The following ZBTB40 variants were observed in gnomAD, a reference collection of about 807,000 sequenced individuals.
ZBTB40 encodes zinc finger and BTB domain-containing protein 40.
Under a neutral mutation model 117.5 loss-of-function variants are expected in ZBTB40, and 60 were observed. The observed-to-expected ratio is 0.51, with a 90% CI of 0.41 to 0.63. The LOEUF (loss-of-function observed/expected upper bound fraction) is 0.63. Ranked by LOEUF, ZBTB40 falls within the 30% of genes least tolerant of loss-of-function variation. The pLI is 0.00. For missense variants in ZBTB40, 1,287 were observed against 1,498.5 expected (o/e 0.86, Z 2.33); for synonymous variants, 525 against 577.1 (o/e 0.91, Z 1.29).
At chr1:22,507,655 G>A (rs568524008) in intron 6 of ZBTB40, among the ~76,000 whole-genome samples, 3 of 152,220 alleles carry the variant, frequency 2.0e-5, no homozygotes, top group East Asian at 1.9e-4. Flanking sequence ...ATCGCCACAC[G>A]GATCCTCTAC....
At chr1:22,466,590 G>A (rs1641261210) in intron 1 of ZBTB40, among the ~76,000 whole-genome samples, 1 of 151,974 alleles carries the variant, frequency 6.6e-6, no homozygotes, top group South Asian at 2.1e-4. Context: ...CCATCCTAGT[G>A]TTATGTGAAG....
At chr1:22,472,313 A>G (rs1641431350) in intron 1 of ZBTB40, among the ~76,000 whole-genome samples, 1 of 151,850 alleles carries the variant, frequency 6.6e-6, no homozygotes, top group African/African-American at 2.4e-5. Context: ...CCTCCCAAGT[A>G]GCCGGGACTA....
rs192851887 is a variant in ZBTB40 at position 22,489,892 on chromosome 1, C to A, written c.-57C>A. 1.0e-3 allele frequency: 1,616 copies of A among 1,577,070 alleles called. 7 individuals carry two copies. The highest frequency in any genetic ancestry group is 1.2e-3 in the South Asian group (109 of 90,392). On this transcript the variant is annotated 5_prime_UTR_variant, in exon 2 of 18. Transcript: ENST00000375647. ...TGGGTTTCTCTAGGGCCTGTCCTCCCAAAGCCAACTCTAAGGAGAGGAGAG... is the reference window on the plus strand; with the variant it reads ...TGGGTTTCTCTAGGGCCTGTCCTCCAAAAGCCAACTCTAAGGAGAGGAGAG...
At chr1:22,471,071 C>G (rs562258390) in intron 1 of ZBTB40, among the ~76,000 whole-genome samples, 4 of 152,252 alleles carry the variant, frequency 2.6e-5, no homozygotes, top group African/African-American at 9.6e-5. Context: ...CCAACCTCCT[C>G]AAGTCCAGTT....
chr1:22,503,825 A>AT (rs1483842659), intron 5 of ZBTB40, among the ~76,000 whole-genome samples: 1 of 152,172 alleles, frequency 6.6e-6, no homozygotes, highest in East Asian at 1.9e-4. Flanking sequence ...AAAGTTCCTG[A>AT]TTCCCTCTTT....
intron 13 of ZBTB40, among the ~76,000 whole-genome samples, chr1:22,517,878 T>G (rs1171332798): frequency 1.3e-5 from 2 of 152,218 alleles, no homozygotes; most frequent in Non-Finnish European, 2.9e-5. Flanking sequence ...TAAGTGAGCC[T>G]TGGTTATGTT....
At chr1:22,498,302 G>C (rs1480564716) in intron 3 of ZBTB40, among the ~76,000 whole-genome samples, 2 of 152,196 alleles carry the variant, frequency 1.3e-5, no homozygotes, top group African/African-American at 4.8e-5. Flanking sequence ...TTACATGATA[G>C]TAATTGATGA....
intron 3 of ZBTB40, among the ~76,000 whole-genome samples, chr1:22,499,382 G>A (rs1462605829): frequency 6.6e-6 from 1 of 152,160 alleles, no homozygotes; most frequent in Non-Finnish European, 1.5e-5. Context: ...CAAGTCACGA[G>A]GTTCAATCCA....
At chr1:22,512,235 G>A in intron 11 of ZBTB40, 101 bp downstream of exon 11, 4 of 1,344,038 alleles carry the variant, frequency 3.0e-6, no homozygotes, top group Middle Eastern at 2.5e-4. Context: ...GGCTGTGGGT[G>A]GGCTTAGAAA....
chr1:22,483,001 C>T (rs1358743116), intron 1 of ZBTB40, among the ~76,000 whole-genome samples: 2 of 152,020 alleles, frequency 1.3e-5, no homozygotes, highest in East Asian at 3.9e-4. Context: ...ATGGTGTGAA[C>T]CCGGGAGGCA....
At chr1:22,499,213 T>C (rs1003509699) in intron 3 of ZBTB40, among the ~76,000 whole-genome samples, 8 of 152,364 alleles carry the variant, frequency 5.3e-5, no homozygotes, top group African/African-American at 1.9e-4. Flanking sequence ...AGACCAGTTC[T>C]TTGCCACATG....
At chr1:22,436,239 C>T (rs1023823215) in intron 1 of ZBTB40, among the ~76,000 whole-genome samples, 9 of 151,944 alleles carry the variant, frequency 5.9e-5, no homozygotes, top group Non-Finnish European at 1.2e-4. Flanking sequence ...ATGCCGGACG[C>T]GGTGGCTCAT....
At chr1:22,509,291 G>C in intron 9 of ZBTB40, 58 bp downstream of exon 9, 1 of 1,610,358 alleles carries the variant, frequency 6.2e-7, no homozygotes, top group Non-Finnish European at 8.5e-7. Context: ...GCCTGGGACT[G>C]TCTTCATTCC....
intron 1 of ZBTB40, among the ~76,000 whole-genome samples, chr1:22,488,506 A>G (rs1293757484): frequency 1.3e-5 from 2 of 152,164 alleles, no homozygotes; most frequent in African/African-American, 2.4e-5. Context: ...GCACAGATAT[A>G]CTAAGCATGC....
intron 6 of ZBTB40, 41 bp downstream of exon 6, chr1:22,506,282 T>G: frequency 1.2e-6 from 2 of 1,607,542 alleles, no homozygotes; most frequent in East Asian, 4.5e-5. Flanking sequence ...GAACCACTCT[T>G]CCAGAAAATT....
At position 22,434,084 on chromosome 1, in the gene ZBTB40, G is replaced by A. The variant is rs565432223; in HGVS notation, c.-70+5070G>A. On this transcript the variant is annotated intron_variant, in intron 1 of 8. Coordinates refer to the ZBTB40 transcript ENST00000650433. ...GTGGAGTTCCATTTCAACCAGCAAT[G>A]GATGGGAATGCCCGTTTACCATCAC... is the stretch of plus-strand genomic sequence containing the variant. Among the ~76,000 whole-genome samples the A allele has an allele frequency of 1.4e-4, 22 of 152,266 alleles. 1 individual carries two copies. In the South Asian group the frequency reaches 4.6e-3, roughly 32 times the overall value.
At chr1:22,515,328 G>A (rs1639346927) in intron 12 of ZBTB40, among the ~76,000 whole-genome samples, 1 of 152,238 alleles carries the variant, frequency 6.6e-6, no homozygotes. Flanking sequence ...TATAAGCCAA[G>A]GTGAGGACTT....
At chr1:22,508,169 G>A in intron 7 of ZBTB40, 32 bp downstream of exon 7, 3 of 1,610,474 alleles carry the variant, frequency 1.9e-6, no homozygotes, top group Non-Finnish European at 2.5e-6. Context: ...AGGGAGGGGA[G>A]GGTAAAATGA....
At chr1:22,492,426 G>A (rs575950674) in intron 3 of ZBTB40, among the ~76,000 whole-genome samples, 4 of 152,176 alleles carry the variant, frequency 2.6e-5, no homozygotes, top group Admixed American at 2.0e-4. Flanking sequence ...TGCAGGATTC[G>A]ACTCCACAAC....
Sources: gnomAD v4.1 joint callset for allele counts (sites outside exome capture counted in the v4.1 genomes callset) on GRCh38, gnomAD v4.1.1 for gene constraint, MANE v1.5 for transcripts, NCBI Gene and HGNC (gene_info 2026-07-23, HGNC 2026-07-21) for gene names.